Variants in GRIN3A observed in about 807,000 individuals in gnomAD.
GRIN3A encodes the protein glutamate ionotropic receptor NMDA type subunit 3A.
In GRIN3A, 47 loss-of-function variants were observed where a neutral mutation model predicts 92.4. The observed-to-expected ratio is 0.51, with a 90% CI of 0.40 to 0.65. GRIN3A has a LOEUF of 0.65. GRIN3A is among the 30% of genes least tolerant of loss of function. The pLI is 0.00. For missense variants in GRIN3A, 1,324 were observed against 1,393.1 expected, an observed-to-expected ratio of 0.95 and a Z score of 0.79; for synonymous variants, 527 against 540.6, an observed-to-expected ratio of 0.97 and a Z score of 0.35.
chr9:101,583,926 G>A (rs1475529183), intron 6 of GRIN3A, among the ~76,000 whole-genome samples: 6 of 152,120 alleles, frequency 3.9e-5, no homozygotes, highest in Non-Finnish European at 8.8e-5. Context: ...GCACAGTCTT[G>A]ACTCACTGCA....
At chr9:101,631,178 G>A (rs574609336) in intron 3 of GRIN3A, among the ~76,000 whole-genome samples, 54 of 152,272 alleles carry the variant, frequency 3.5e-4, no homozygotes, top group African/African-American at 1.2e-3. Flanking sequence ...CAAGAATAAT[G>A]TTAATTTTAA....
At position 101,653,799 on chromosome 9, in the gene GRIN3A, A is replaced by C. The variant is rs1037233547; in HGVS notation, c.2352+16261T>G. 3.3e-5 allele frequency among the ~76,000 whole-genome samples: 5 copies of C among 151,962 alleles called. No individual in the cohort carries two copies. In the East Asian group the frequency reaches 9.7e-4, roughly 30 times the overall value. Reference sequence around the variant, plus strand: ...ATCTATTTTCCATTTTATATGTATGATTGATAATTTATATTTAACTATGCT... The same window carrying C: ...ATCTATTTTCCATTTTATATGTATGCTTGATAATTTATATTTAACTATGCT... On this transcript the variant is annotated intron_variant, in intron 3 of 8. Transcript: ENST00000361820.
intron 2 of GRIN3A, among the ~76,000 whole-genome samples, chr9:101,672,858 T>G (rs369554989): frequency 1.3e-5 from 2 of 152,162 alleles, no homozygotes; most frequent in African/African-American, 4.8e-5. Flanking sequence ...CTATCTTAGA[T>G]TTTGAAGTAG....
intron 1 of GRIN3A, among the ~76,000 whole-genome samples, chr9:101,698,500 C>G (rs1030973375): frequency 6.6e-6 from 1 of 152,096 alleles, no homozygotes; most frequent in African/African-American, 2.4e-5. Context: ...TGCACTTACA[C>G]AAGCCTAGAT....
At chr9:101,669,895 G>A (rs1323435) in intron 3 of GRIN3A, among the ~76,000 whole-genome samples, 165 bp downstream of exon 3, 50,866 of 151,980 alleles carry the variant, frequency 0.33, 9,435 homozygotes, top group Non-Finnish European at 0.41. Context: ...ACAAACAATG[G>A]AATATTTAGT....
At chr9:101,575,075 A>T (rs1051050454) in intron 8 of GRIN3A, among the ~76,000 whole-genome samples, 1 of 152,224 alleles carries the variant, frequency 6.6e-6, no homozygotes, top group African/African-American at 2.4e-5. Context: ...TAAAACATTA[A>T]GTATTGGGAT....
intron 4 of GRIN3A, 41 bp from the exon 5 acceptor site, chr9:101,623,474 T>A: frequency 7.4e-7 from 1 of 1,342,764 alleles, no homozygotes; most frequent in Non-Finnish European, 1.1e-6. Flanking sequence ...AATGATTCAT[T>A]AATGGGAAGG....
intron 1 of GRIN3A, among the ~76,000 whole-genome samples, chr9:101,708,948 G>A (rs920959798): frequency 6.6e-6 from 1 of 152,178 alleles, no homozygotes; most frequent in African/African-American, 2.4e-5. Context: ...TTTAACTCTT[G>A]TAAATGTTTT....
At chr9:101,617,205 T>TCAAAA (rs771904967) in intron 5 of GRIN3A, among the ~76,000 whole-genome samples, 8 of 107,186 alleles carry the variant, frequency 7.5e-5, no homozygotes, top group African/African-American at 2.4e-4. Context: ...AGACTCCGTC[T>TCAAAA]AAAAAAAAAA....
chr9:101,685,331 A>G (rs1005961344), intron 2 of GRIN3A, among the ~76,000 whole-genome samples: 1 of 123,576 alleles, frequency 8.1e-6, no homozygotes, highest in Non-Finnish European at 1.7e-5. Flanking sequence ...TTTTTTTGAG[A>G]CGGAGTCTCG....
chr9:101,733,688 G>T (rs1331707767), intron 1 of GRIN3A, among the ~76,000 whole-genome samples: 1 of 152,082 alleles, frequency 6.6e-6, no homozygotes, highest in Non-Finnish European at 1.5e-5. Flanking sequence ...CTAATAAATA[G>T]GCTTCAGTGC....
At chr9:101,639,839 A>G (rs1395386260) in intron 3 of GRIN3A, among the ~76,000 whole-genome samples, 1 of 152,242 alleles carries the variant, frequency 6.6e-6, no homozygotes, top group Non-Finnish European at 1.5e-5. Flanking sequence ...CCAGCCTCAC[A>G]GGCTCCTAAA....
At chr9:101,651,975 C>T (rs575605701) in intron 3 of GRIN3A, among the ~76,000 whole-genome samples, 7 of 152,030 alleles carry the variant, frequency 4.6e-5, no homozygotes, top group African/African-American at 9.6e-5. Flanking sequence ...TAAGATCTGT[C>T]TTTTTCATTC....
intron 3 of GRIN3A, among the ~76,000 whole-genome samples, chr9:101,662,300 G>T (rs1829181428): frequency 6.6e-6 from 1 of 151,756 alleles, no homozygotes; most frequent in Admixed American, 6.6e-5. Flanking sequence ...GGGAATGATT[G>T]TTCAAGATAA....
chr9:101,569,368 A>C lies in GRIN3A; in HGVS notation c.*3806T>G, dbSNP rs1267909428. 1 of 152,204 alleles carries C rather than the reference A, an allele frequency of 6.6e-6. No individual in the cohort carries two copies. Among genetic ancestry groups the C allele is most frequent in the Non-Finnish European group, 1.5e-5 (1 of 68,036 alleles). The allele number at this position is 152,204 out of a possible 1,614,324, so 9.4% of individuals were successfully genotyped here. A position where few individuals can be genotyped will look rare whatever the true frequency, so the allele number is the denominator to read the frequency against. Reference sequence around the variant, plus strand: ...ATCCAAAAGTGAAGTTTCTATCTGAACATTTATTCCACAGTCATAGAAACT... The same window carrying C: ...ATCCAAAAGTGAAGTTTCTATCTGACCATTTATTCCACAGTCATAGAAACT... On this transcript the variant is annotated 3_prime_UTR_variant, in exon 9 of 9. Transcript: ENST00000361820.
chr9:101,685,828 CTCTA>C (rs376474424), intron 2 of GRIN3A, among the ~76,000 whole-genome samples: 38 of 151,946 alleles, frequency 2.5e-4, no homozygotes, highest in African/African-American at 5.8e-4. Context: ...CATCTATTAT[CTCTA>C]TCTATCTATC....
chr9:101,586,130 C>G (rs1283963742), intron 6 of GRIN3A, among the ~76,000 whole-genome samples: 1 of 152,202 alleles, frequency 6.6e-6, no homozygotes, highest in Admixed American at 6.5e-5. Context: ...GAAGTTTACC[C>G]TAATCACTGT....
At position 101,573,452 on chromosome 9, in the gene GRIN3A, G is replaced by A. The variant is rs769384942; in HGVS notation, c.3070C>T (p.Arg1024Ter). The A allele has an allele frequency of 1.1e-5, 17 of 1,613,896 alleles. No homozygotes were observed. The East Asian group carries it at 1.1e-4, about 11-fold the overall frequency. The change falls in exon 9 of 9, where the codon CGA (arginine) becomes TGA (stop). Residue 1024 changes from arginine (R) to a stop codon, truncating the protein, a stop_gained. Coordinates refer to ENST00000361820, the MANE Select transcript of GRIN3A (RefSeq NM_133445.3). LOFTEE classifies it high-confidence loss of function. ...TCATCACTAAAGATGTATTTCCGTC[G>A]GTTGTCATGACTCAGATTGGAAGTA... ...WNTSNLSHDN[R>*]RKYIFSDEEG...
rs1352744095 is a variant in GRIN3A, at chr9:101,688,747, C to T, written c.700-1547G>A. On this transcript the variant is annotated intron_variant, in intron 1 of 8. Coordinates refer to ENST00000361820, the MANE Select transcript of GRIN3A (RefSeq NM_133445.3). Reference sequence around the variant, plus strand: ...CAGCCTGGCTGTTATGGTGAAACCCCGTCTCTACTAAAAATACAAAAATTA... The same window carrying T: ...CAGCCTGGCTGTTATGGTGAAACCCTGTCTCTACTAAAAATACAAAAATTA... Among the ~76,000 whole-genome samples, 6 of 152,112 alleles carry T rather than the reference C, an allele frequency of 3.9e-5. No individual in the cohort carries two copies. The East Asian group carries it at 1.2e-3, about 29-fold the overall frequency.
Sources: gnomAD v4.1 joint callset for allele counts (sites outside exome capture counted in the v4.1 genomes callset) on GRCh38, gnomAD v4.1.1 for gene constraint, MANE v1.5 for transcripts, NCBI Gene and HGNC (gene_info 2026-07-23, HGNC 2026-07-21) for gene names.